Variants in SPC25 observed in about 807,000 individuals in gnomAD.
The protein encoded by SPC25 is kinetochore protein Spc25.
In SPC25, 22 loss-of-function variants were observed where a neutral mutation model predicts 29.6. The observed-to-expected ratio is 0.74, with a 90% CI of 0.53 to 1.06. The LOEUF (loss-of-function observed/expected upper bound fraction) is 1.06, where lower values mean the gene tolerates loss of function less well. SPC25 is among the 50% of genes least tolerant of loss of function. The pLI is 0.00. For missense variants in SPC25, 230 were observed against 255.8 expected (o/e 0.90, Z 0.69); for synonymous variants, 91 against 90.4 (o/e 1.01, Z -0.04).
intron 5 of SPC25, 84 bp from the exon 6 acceptor site, chr2:168,873,767 C>A: frequency 2.3e-6 from 2 of 852,316 alleles, no homozygotes; most frequent in Non-Finnish European, 4.0e-6. Context: ...AATATCTGCA[C>A]TGCTAAGTAT....
chr2:168,867,043 C>T (rs1159376735), downstream of SPC25, among the ~76,000 whole-genome samples: 1 of 152,118 alleles, frequency 6.6e-6, no homozygotes, highest in Non-Finnish European at 1.5e-5. Context: ...TAAACTAGTT[C>T]AACCATTGTG....
At chr2:168,871,650 A>G in intron 6 of SPC25, 95 bp from the exon 7 acceptor site, 5 of 1,140,882 alleles carry the variant, frequency 4.4e-6, no homozygotes, top group Non-Finnish European at 6.1e-6. Flanking sequence ...TCTGGTTTGA[A>G]TGTCAATTCC....
At chr2:168,873,288 T>A (rs911715071) in intron 6 of SPC25, among the ~76,000 whole-genome samples, 1 of 152,232 alleles carries the variant, frequency 6.6e-6, no homozygotes, top group African/African-American at 2.4e-5. Flanking sequence ...AAAAAAGTTA[T>A]CTAAAAGGAC....
downstream of SPC25, among the ~76,000 whole-genome samples, chr2:168,870,399 C>G (rs1689956010): frequency 6.6e-6 from 1 of 150,982 alleles, no homozygotes; most frequent in Admixed American, 6.6e-5. Context: ...GCAAAAGAAA[C>G]CACCATCAGA....
chr2:168,876,068 T>C lies in SPC25; in HGVS notation c.451+4A>G. ...CTATATTTTATTTATATTAACAAAC[T>C]TACCATAAATTTTTCGAATTTCTAG... On this transcript the variant is annotated splice_donor_region_variant and intron_variant, in intron 5 of 6. Coordinates refer to ENST00000282074, the MANE Select transcript of SPC25 (RefSeq NM_020675.4). 2 of 1,499,102 alleles carry C rather than the reference T, an allele frequency of 1.3e-6. No homozygotes were observed. The highest frequency in any genetic ancestry group is 2.8e-5 in the South Asian group (2 of 72,254). 92.9% of individuals were successfully genotyped at this position (1,499,102 alleles called of 1,614,324 possible).
chr2:168,865,022 T>C, intron 4 of SPC25: 2 of 1,589,760 alleles, frequency 1.3e-6, no homozygotes, highest in Non-Finnish European at 1.7e-6. Flanking sequence ...CAATACAGTG[T>C]GGTTCAAATA....
chr2:168,872,133 A>T (rs1299720303), intron 6 of SPC25, among the ~76,000 whole-genome samples: 1 of 152,112 alleles, frequency 6.6e-6, no homozygotes, highest in Non-Finnish European at 1.5e-5. Flanking sequence ...ATGTCCAGCT[A>T]ACTTTTGTAT....
At chr2:168,877,527 A>ATAT in intron 3 of SPC25, 143 bp from the exon 4 acceptor site, 4 of 964,040 alleles carry the variant, frequency 4.1e-6, no homozygotes, top group Non-Finnish European at 6.0e-6. Flanking sequence ...CAAAATTATA[A>ATAT]AAGACAAAAA....
At position 168,888,984 on chromosome 2, in the gene SPC25, T is replaced by C. The variant is rs552718755; in HGVS notation, c.199+242A>G. ...ATATATATATATATACACACACACATATATATGTATATATATACACATATA... is the reference window on the plus strand; with the variant it reads ...ATATATATATATATACACACACACACATATATGTATATATATACACATATA... On this transcript the variant is annotated intron_variant, in intron 3 of 6. Transcript: ENST00000282074. Among the ~76,000 whole-genome samples the C allele has an allele frequency of 9.5e-3, 834 of 87,628 alleles. 30 individuals are homozygous for C. The highest frequency in any genetic ancestry group is 0.024 in the African/African-American group (400 of 16,512). The allele number at this position is 87,628 out of a possible 152,430, so 57.5% of individuals were successfully genotyped here.
In SPC25 at chr2:168,877,470, A is replaced by G. The variant is rs542951717; in HGVS notation, c.200-86T>C. 12 of 1,405,856 alleles carry G rather than the reference A, an allele frequency of 8.5e-6. No individual in the cohort carries two copies. In the South Asian group the frequency reaches 1.4e-4, roughly 17 times the overall value. The allele number at this position is 1,405,856 out of a possible 1,614,324, so 87.1% of individuals were successfully genotyped here. ...AAGGCCAAAGTTTACTGACTTTCAT[A>G]AAGATTAATAAAGAATGTTTTGACT... On this transcript the variant is annotated intron_variant, in intron 3 of 6. Coordinates refer to ENST00000282074, the MANE Select transcript of SPC25 (RefSeq NM_020675.4).
At chr2:168,873,055 T>C (rs997079786) in intron 6 of SPC25, among the ~76,000 whole-genome samples, 9 of 152,254 alleles carry the variant, frequency 5.9e-5, no homozygotes, top group Non-Finnish European at 1.3e-4. Context: ...TTATCAATGA[T>C]ATATATTCCT....
chr2:168,884,466 A>G (rs1231593717), intron 3 of SPC25, among the ~76,000 whole-genome samples: 1 of 152,214 alleles, frequency 6.6e-6, no homozygotes, highest in Non-Finnish European at 1.5e-5. Context: ...GTATCTTCCT[A>G]GAAGATTACC....
chr2:168,873,147 T>A (rs1190157009), intron 6 of SPC25, among the ~76,000 whole-genome samples: 1 of 152,210 alleles, frequency 6.6e-6, no homozygotes, highest in Non-Finnish European at 1.5e-5. Flanking sequence ...AGGATTCGTA[T>A]TTCAAAAATT....
At chr2:168,866,371 T>C (rs369952609), downstream of SPC25, among the ~76,000 whole-genome samples, 1,842 of 150,054 alleles carry the variant, frequency 0.012, no homozygotes, top group South Asian at 0.053. Flanking sequence ...AAACAAGCAA[T>C]GGGGAAAGGA....
At chr2:168,876,253 T>A (rs1297741542) in intron 4 of SPC25, 77 bp from the exon 5 acceptor site, 1 of 1,036,962 alleles carries the variant, frequency 9.6e-7, no homozygotes, top group African/African-American at 1.7e-5. Context: ...TTTTTTAAAC[T>A]TAAAATCAAC....
intron 5 of SPC25, among the ~76,000 whole-genome samples, chr2:168,874,169 A>T (rs901721289): frequency 2.6e-5 from 4 of 152,220 alleles, no homozygotes; most frequent in African/African-American, 9.6e-5. Context: ...GCAAGCCGAA[A>T]CTACAATGAG....
At chr2:168,877,484 A>C (rs1690108636) in intron 3 of SPC25, 100 bp from the exon 4 acceptor site, 1 of 1,372,338 alleles carries the variant, frequency 7.3e-7, no homozygotes, top group African/African-American at 1.5e-5. Context: ...ATTAATAAAG[A>C]ATGTTTTGAC....
At chr2:168,882,552 C>T (rs1440931779) in intron 3 of SPC25, among the ~76,000 whole-genome samples, 5 of 152,112 alleles carry the variant, frequency 3.3e-5, no homozygotes, top group African/African-American at 1.2e-4. Flanking sequence ...CAGTGAGCTG[C>T]GATCACGCCA....
intron 3 of SPC25, among the ~76,000 whole-genome samples, chr2:168,885,292 CCA>C (rs1156909853): frequency 6.6e-6 from 1 of 152,128 alleles, no homozygotes; most frequent in African/African-American, 2.4e-5. Context: ...ACCTTCAGGC[CCA>C]CAGTCTTGAG....
Sources: allele counts gnomAD v4.1 joint callset (sites outside exome capture counted in the v4.1 genomes callset), GRCh38; gene constraint gnomAD v4.1.1; transcripts MANE v1.5; gene names NCBI Gene and HGNC (gene_info 2026-07-23, HGNC 2026-07-21).